The following EXOC2 variants were observed in gnomAD, a reference collection of about 807,000 sequenced individuals.
EXOC2 encodes exocyst complex component 2.
Under a neutral mutation model 131.8 loss-of-function variants are expected in EXOC2, and 70 were observed. The observed-to-expected ratio is 0.53, with a 90% CI of 0.44 to 0.65. The LOEUF (loss-of-function observed/expected upper bound fraction) is 0.65, where lower values mean the gene tolerates loss of function less well. Ranked by LOEUF, EXOC2 falls within the 30% of genes least tolerant of loss-of-function variation. The probability of loss-of-function intolerance (pLI) is 0.00; values close to 1 mark genes in which losing one functional copy is unlikely to be tolerated. For missense variants in EXOC2, 923 were observed against 1,108.6 expected, an observed-to-expected ratio of 0.83 and a Z score of 2.38; for synonymous variants, 411 against 398.4, an observed-to-expected ratio of 1.03 and a Z score of -0.38.
At chr6:670,314 G>A (rs960487343) in intron 1 of EXOC2, 10 of 152,226 alleles carry the variant, frequency 6.6e-5, no homozygotes, top group African/African-American at 2.4e-4. Flanking sequence ...AGTACTATCT[G>A]TTGGATTCTG....
chr6:559,604 C>T (rs1757596334), intron 17 of EXOC2, among the ~76,000 whole-genome samples: 1 of 152,134 alleles, frequency 6.6e-6, no homozygotes, highest in Non-Finnish European at 1.5e-5. Context: ...TGTGAGAGAT[C>T]AAACATGAAA....
intron 11 of EXOC2, among the ~76,000 whole-genome samples, chr6:586,424 C>A (rs769385291): frequency 8.5e-5 from 13 of 152,228 alleles, no homozygotes; most frequent in Admixed American, 3.3e-4. Context: ...TTAACTTGCT[C>A]ATTCTCAGAG....
chr6:688,205 C>T (rs559043741), intron 1 of EXOC2, among the ~76,000 whole-genome samples: 5 of 152,274 alleles, frequency 3.3e-5, no homozygotes, highest in South Asian at 2.1e-4. Context: ...GTTCGAAAAG[C>T]GTGAAAATGC....
Position 614,385 on chromosome 6 carries a change from T to C in EXOC2, c.661+3326A>G, listed in dbSNP as rs368726879. On this transcript the variant is annotated intron_variant, in intron 6 of 27. Coordinates refer to ENST00000230449, the MANE Select transcript of EXOC2 (RefSeq NM_018303.6). The stretch of plus-strand genomic sequence containing the variant: ...TACTCCATGTGTGTGTCACGGACTG[T>C]TACCAGGAAAGTCAGTGCTGCCTGC... 1.1e-4 allele frequency among the ~76,000 whole-genome samples: 17 copies of C among 152,332 alleles called. No individual in the cohort carries two copies. The East Asian group carries it at 1.2e-3, about 10-fold the overall frequency.
At chr6:672,959 ACT>A (rs1444717796) in intron 1 of EXOC2, among the ~76,000 whole-genome samples, 1 of 151,968 alleles carries the variant, frequency 6.6e-6, no homozygotes, top group African/African-American at 2.4e-5. Flanking sequence ...AAGTTTGTAG[ACT>A]CTGTTTTAAA....
Position 564,074 on chromosome 6 carries a change from C to T in EXOC2, c.1748G>A (p.Arg583Gln), listed in dbSNP as rs974621322. 8.1e-6 allele frequency: 13 copies of T among 1,613,966 alleles called. No homozygotes were observed. Among genetic ancestry groups the T allele is most frequent in the Admixed American group, 3.3e-5 (2 of 59,980 alleles). ...CAACGTGGCCATTACGCAACGTACT[C>T]GGAGATCCAAGATGAGATCCTGGAT... is the stretch of plus-strand genomic sequence containing the variant. ...QTIQDLILDLRVRCVMATLQH... is the reference protein window; with the variant it reads ...QTIQDLILDLQVRCVMATLQH... Residue 583 changes from arginine to glutamine, a missense_variant, in exon 16 of 28, where the codon CGA becomes CAA. Physicochemically the swap from Arg to Gln is conservative, Grantham distance 43. Coordinates refer to ENST00000230449, the MANE Select transcript of EXOC2 (RefSeq NM_018303.6).
intron 1 of EXOC2, chr6:656,903 C>G: frequency 6.4e-7 from 1 of 1,562,224 alleles, no homozygotes; most frequent in Non-Finnish European, 8.7e-7. Context: ...GAATGAACAG[C>G]TCTAGACAGC....
rs146806504 is a variant in EXOC2, at chr6:539,171, G to A, written c.2239-6561C>T. The stretch of plus-strand genomic sequence containing the variant: ...GGAGGTAGCCCCATCATAAGTTCAG[G>A]AATATCTGTATTCAGAAATAGACTT... On this transcript the variant is annotated intron_variant, in intron 22 of 27. Coordinates refer to ENST00000230449, the MANE Select transcript of EXOC2 (RefSeq NM_018303.6). Among the ~76,000 whole-genome samples, 16 of 152,178 alleles carry A rather than the reference G, an allele frequency of 1.1e-4. No homozygotes were observed. The East Asian group carries it at 2.9e-3, about 27-fold the overall frequency.
At chr6:563,191 T>C (rs1757790839) in intron 16 of EXOC2, among the ~76,000 whole-genome samples, 1 of 152,268 alleles carries the variant, frequency 6.6e-6, no homozygotes, top group African/African-American at 2.4e-5. Flanking sequence ...AGTATTTTTT[T>C]TCCTAAAATT....
intron 23 of EXOC2, among the ~76,000 whole-genome samples, chr6:501,064 A>C (rs996863868): frequency 2.3e-4 from 30 of 131,356 alleles, no homozygotes; most frequent in Non-Finnish European, 4.3e-4. Context: ...ATCTATATAT[A>C]TCTATATATC....
chr6:603,632 T>C (rs1760232305), intron 7 of EXOC2, among the ~76,000 whole-genome samples: 1 of 152,070 alleles, frequency 6.6e-6, no homozygotes, highest in African/African-American at 2.4e-5. Flanking sequence ...TTTGAATGCA[T>C]GTTGTGAAAT....
intron 7 of EXOC2, 62 bp from the exon 8 acceptor site, chr6:599,287 C>A: frequency 6.8e-7 from 1 of 1,461,542 alleles, no homozygotes; most frequent in Non-Finnish European, 9.2e-7. Context: ...AAATGTGTAA[C>A]TGGGCACTAG....
intron 1 of EXOC2, among the ~76,000 whole-genome samples, chr6:674,682 G>A (rs1331199614): frequency 1.3e-5 from 2 of 151,894 alleles, no homozygotes; most frequent in Non-Finnish European, 2.9e-5. Context: ...TAAAGCTGTG[G>A]TACAAAAAGT....
chr6:571,136 G>A (rs3799305), intron 13 of EXOC2, among the ~76,000 whole-genome samples: 5,964 of 152,288 alleles, frequency 0.039, 153 homozygotes, highest in South Asian at 0.12. Context: ...CCTGACGTTC[G>A]TTTCATGGAA....
At chr6:651,687 A>T (rs1371900641) in intron 1 of EXOC2, among the ~76,000 whole-genome samples, 1 of 144,742 alleles carries the variant, frequency 6.9e-6, no homozygotes, top group Non-Finnish European at 1.5e-5. Context: ...AAATAATAAA[A>T]AAATAAAAAA....
chr6:686,883 A>G (rs944392047), intron 1 of EXOC2, among the ~76,000 whole-genome samples: 2 of 152,016 alleles, frequency 1.3e-5, no homozygotes, highest in African/African-American at 4.8e-5. Flanking sequence ...ATCCCCCTCC[A>G]TCCACCCCCA....
chr6:595,545 A>G (rs1233150093), intron 10 of EXOC2, among the ~76,000 whole-genome samples: 2 of 152,082 alleles, frequency 1.3e-5, no homozygotes, highest in Non-Finnish European at 2.9e-5. Context: ...AAGGCTCCTT[A>G]AAAGAATCTT....
At chr6:495,506 T>C (rs975267888) in intron 25 of EXOC2, among the ~76,000 whole-genome samples, 1 of 152,320 alleles carries the variant, frequency 6.6e-6, no homozygotes, top group African/African-American at 2.4e-5. Context: ...ATACAACATA[T>C]ACGAAACTGA....
rs533513737 is a variant in EXOC2, at chr6:635,927, G to A, written c.118+1774C>T. 4.2e-4 allele frequency among the ~76,000 whole-genome samples: 64 copies of A among 152,306 alleles called. No individual in the cohort carries two copies. The South Asian group carries it at 9.3e-3, about 22-fold the overall frequency. Reference sequence around the variant, plus strand: ...AATACAAAAATTAGCTGGGTATGGCGGCACATGCGCCTGTAGTCCCAGCTA... The same window carrying A: ...AATACAAAAATTAGCTGGGTATGGCAGCACATGCGCCTGTAGTCCCAGCTA... On this transcript the variant is annotated intron_variant, in intron 2 of 27. Transcript: ENST00000230449.
Sources: allele counts gnomAD v4.1 joint callset (sites outside exome capture counted in the v4.1 genomes callset), GRCh38; gene constraint gnomAD v4.1.1; transcripts MANE v1.5; gene names NCBI Gene and HGNC (gene_info 2026-07-23, HGNC 2026-07-21).